Variants in ZRANB3 observed in about 807,000 individuals in gnomAD.
ZRANB3 encodes zinc finger RANBP2-type containing 3.
Under a neutral mutation model 133.8 loss-of-function variants are expected in ZRANB3, and 125 were observed. The ratio of observed to expected loss-of-function variants is 0.93; its 90% CI spans 0.81 to 1.08. The LOEUF (loss-of-function observed/expected upper bound fraction) is 1.08. Among genes scored for constraint, ZRANB3 ranks in the 50% least tolerant of loss-of-function variants. The pLI is 0.00. For synonymous variants in ZRANB3, 387 were observed against 432.7 expected, an observed-to-expected ratio of 0.89 and a Z score of 1.31; for missense variants, 1,229 against 1,275.5, an observed-to-expected ratio of 0.96 and a Z score of 0.56.
rs538083191 is a variant in ZRANB3 at position 135,436,658 on chromosome 2, G to A, written c.162-45838C>T. On this transcript the variant is annotated intron_variant, in intron 2 of 20. Transcript: ENST00000264159. ...AACATCTCATGCTCATGGATACAAAGAATCAATATCATTAAAATGGCCATA... is the reference window on the plus strand; with the variant it reads ...AACATCTCATGCTCATGGATACAAAAAATCAATATCATTAAAATGGCCATA... Among the ~76,000 whole-genome samples the A allele has an allele frequency of 4.6e-5, 7 of 152,122 alleles. No homozygotes were observed. The East Asian group carries it at 9.7e-4, about 21-fold the overall frequency.
chr2:135,263,099 CA>C (rs1184007923), intron 12 of ZRANB3, among the ~76,000 whole-genome samples: 1 of 152,052 alleles, frequency 6.6e-6, no homozygotes, highest in Non-Finnish European at 1.5e-5. Context: ...TATTCTTCCC[CA>C]TATCCATTCT....
intron 2 of ZRANB3, among the ~76,000 whole-genome samples, chr2:135,470,940 T>C (rs980111849): frequency 6.6e-6 from 1 of 151,028 alleles, no homozygotes; most frequent in Non-Finnish European, 1.5e-5. Flanking sequence ...TAGCTGGGAC[T>C]ACAGGCGCCC....
At chr2:135,299,080 A>C (rs1682307659) in intron 8 of ZRANB3, among the ~76,000 whole-genome samples, 1 of 152,090 alleles carries the variant, frequency 6.6e-6, no homozygotes. Flanking sequence ...CTAAGAGATT[A>C]TGTCTTTTGT....
chr2:135,295,045 G>A (rs146391706), intron 8 of ZRANB3, among the ~76,000 whole-genome samples: 1 of 152,110 alleles, frequency 6.6e-6, no homozygotes, highest in Admixed American at 6.6e-5. Flanking sequence ...GATAGGTGTG[G>A]TGTGGTGCTG....
intron 2 of ZRANB3, among the ~76,000 whole-genome samples, chr2:135,415,417 A>C (rs1688519852): frequency 1.3e-5 from 2 of 152,214 alleles, no homozygotes; most frequent in African/African-American, 4.8e-5. Flanking sequence ...GAAGAAGTTG[A>C]ATCTCTGAAC....
intron 15 of ZRANB3, among the ~76,000 whole-genome samples, chr2:135,221,888 A>G (rs1694569479): frequency 6.6e-6 from 1 of 152,198 alleles, no homozygotes; most frequent in Non-Finnish European, 1.5e-5. Flanking sequence ...TGTCCATGCT[A>G]GAGGCTGCTT....
At chr2:135,268,151 T>A (rs1261412072) in intron 11 of ZRANB3, among the ~76,000 whole-genome samples, 1 of 151,616 alleles carries the variant, frequency 6.6e-6, no homozygotes, top group African/African-American at 2.4e-5. Context: ...CCAGAAATAA[T>A]CTAACCCTTT....
chr2:135,316,820 G>A (rs1683275944), intron 6 of ZRANB3, among the ~76,000 whole-genome samples: 1 of 151,808 alleles, frequency 6.6e-6, no homozygotes, highest in Non-Finnish European at 1.5e-5. Context: ...ACAAAATTTA[G>A]CCAGGCATGG....
intron 3 of ZRANB3, among the ~76,000 whole-genome samples, chr2:135,360,968 G>A (rs1485459710): frequency 6.6e-6 from 1 of 151,930 alleles, no homozygotes; most frequent in Admixed American, 6.6e-5. Context: ...TGTAGAGATG[G>A]GGGGGTCTCA....
chr2:135,247,034 G>T (rs1451923367), intron 12 of ZRANB3, among the ~76,000 whole-genome samples: 1 of 152,198 alleles, frequency 6.6e-6, no homozygotes, highest in Non-Finnish European at 1.5e-5. Context: ...GGAAGCACAG[G>T]CTACCAACAA....
At chr2:135,482,046 G>A (rs1359919471) in intron 2 of ZRANB3, among the ~76,000 whole-genome samples, 3 of 137,108 alleles carry the variant, frequency 2.2e-5, no homozygotes, top group Non-Finnish European at 4.5e-5. Context: ...AAGTCAGGTC[G>A]TGTGATGCCT....
At chr2:135,503,197 C>T (rs760429938) in intron 2 of ZRANB3, among the ~76,000 whole-genome samples, 2 of 152,004 alleles carry the variant, frequency 1.3e-5, no homozygotes, top group African/African-American at 2.4e-5. Flanking sequence ...TAAACAAATA[C>T]GAATTCTGGT....
chr2:135,297,966 C>T (rs768880519), intron 8 of ZRANB3, among the ~76,000 whole-genome samples: 3 of 152,090 alleles, frequency 2.0e-5, no homozygotes, highest in East Asian at 1.9e-4. Flanking sequence ...TGGTAGCTCA[C>T]GCCTGTAATC....
chr2:135,359,668 C>T (rs917264343), intron 3 of ZRANB3, among the ~76,000 whole-genome samples: 4 of 151,774 alleles, frequency 2.6e-5, no homozygotes, highest in Non-Finnish European at 5.9e-5. Flanking sequence ...TCTTAATCTA[C>T]CCATTTCCTA....
intron 3 of ZRANB3, among the ~76,000 whole-genome samples, chr2:135,385,414 G>T (rs571717039): frequency 1.7e-4 from 26 of 152,254 alleles, no homozygotes; most frequent in African/African-American, 6.3e-4. Context: ...TGCCCATACT[G>T]CCCAAGGTAA....
intron 3 of ZRANB3, among the ~76,000 whole-genome samples, chr2:135,385,846 G>A (rs936987323): frequency 2.0e-5 from 3 of 152,106 alleles, no homozygotes; most frequent in African/African-American, 7.2e-5. Context: ...ACTCAAGATG[G>A]ATTAAAGACT....
chr2:135,234,711 G>A (rs1296138906), intron 12 of ZRANB3, among the ~76,000 whole-genome samples: 1 of 152,086 alleles, frequency 6.6e-6, no homozygotes, highest in Admixed American at 6.6e-5. Flanking sequence ...TGAAATGAAC[G>A]CAGAAATAAA....
chr2:135,375,412 A>G (rs901201569), intron 3 of ZRANB3, among the ~76,000 whole-genome samples: 2 of 151,924 alleles, frequency 1.3e-5, no homozygotes, highest in African/African-American at 4.8e-5. Context: ...GTGGCCGGGC[A>G]CGGTGGCTCA....
At chr2:135,245,280 G>C (rs1426412839) in intron 12 of ZRANB3, among the ~76,000 whole-genome samples, 2 of 152,170 alleles carry the variant, frequency 1.3e-5, no homozygotes, top group Non-Finnish European at 2.9e-5. Context: ...CATCAACTGT[G>C]CTTTCTGATT....
Sources: allele counts gnomAD v4.1 joint callset (sites outside exome capture counted in the v4.1 genomes callset), GRCh38; gene constraint gnomAD v4.1.1; transcripts MANE v1.5; gene names NCBI Gene and HGNC (gene_info 2026-07-23, HGNC 2026-07-21).